SAMTOR: variants seen among roughly 807,000 people sequenced by gnomAD.
SAMTOR encodes S-adenosylmethionine sensor upstream of mTORC1, also known as UPF0532 protein C7orf60.
the SAMTOR span, among the ~76,000 whole-genome samples, chr7:112,827,375 T>C: frequency 6.6e-6 from 1 of 152,228 alleles, no homozygotes; most frequent in South Asian, 2.1e-4. Flanking sequence ...TTCCTTCATC[T>C]TTTGAATTAA....
chr7:112,854,938 C>T, the SAMTOR span, among the ~76,000 whole-genome samples: 1 of 152,110 alleles, frequency 6.6e-6, no homozygotes, highest in Non-Finnish European at 1.5e-5. Flanking sequence ...CCGTAGATGT[C>T]CAGATTCCTG....
chr7:112,841,474 G>A, the SAMTOR span, among the ~76,000 whole-genome samples: 1 of 152,088 alleles, frequency 6.6e-6, no homozygotes, highest in Non-Finnish European at 1.5e-5. Flanking sequence ...TGGATAGGAA[G>A]AATCAATTTC....
chr7:112,833,652 C>T, the SAMTOR span, among the ~76,000 whole-genome samples: 14 of 152,184 alleles, frequency 9.2e-5, no homozygotes, highest in South Asian at 4.2e-4. Context: ...AAAAAATATA[C>T]TTCTTATAAA....
At chr7:112,824,061 C>CTTA in the SAMTOR span, among the ~76,000 whole-genome samples, 6 of 151,524 alleles carry the variant, frequency 4.0e-5, no homozygotes, top group Admixed American at 6.6e-5. Flanking sequence ...TTTGAGAGTT[C>CTTA]TTTATTCTTG....
chr7:112,899,049 A>G, the SAMTOR span, among the ~76,000 whole-genome samples: 2 of 152,226 alleles, frequency 1.3e-5, no homozygotes, highest in Non-Finnish European at 2.9e-5. Flanking sequence ...AACATCCACA[A>G]GCATCAAGAA....
At chr7:112,886,605 G>A in the SAMTOR span, among the ~76,000 whole-genome samples, 3 of 152,174 alleles carry the variant, frequency 2.0e-5, no homozygotes, top group African/African-American at 7.2e-5. Flanking sequence ...ATCAGCTTAT[G>A]TTTGAGCCGT....
chr7:112,822,263 A>G, the SAMTOR span: 1 of 1,613,566 alleles, frequency 6.2e-7, no homozygotes, highest in Non-Finnish European at 8.5e-7. Flanking sequence ...GCTCTCCAGG[A>G]AGAGAATCAA....
At chr7:112,860,310 A>G in the SAMTOR span, among the ~76,000 whole-genome samples, 1 of 152,188 alleles carries the variant, frequency 6.6e-6, no homozygotes, top group African/African-American at 2.4e-5. Context: ...TAAGTGACAC[A>G]TGGCTATATA....
chr7:112,922,042 C>T, the SAMTOR span, among the ~76,000 whole-genome samples: 1 of 152,144 alleles, frequency 6.6e-6, no homozygotes, highest in Admixed American at 6.5e-5. Context: ...TCTCGGCTCA[C>T]TGCAACCTCC....
At chr7:112,885,718 G>C in the SAMTOR span, among the ~76,000 whole-genome samples, 1 of 152,126 alleles carries the variant, frequency 6.6e-6, no homozygotes, top group African/African-American at 2.4e-5. Flanking sequence ...AGCCCTTCAA[G>C]TCTCTTGGAA....
At chr7:112,911,193 C>T in the SAMTOR span, among the ~76,000 whole-genome samples, 4 of 152,168 alleles carry the variant, frequency 2.6e-5, no homozygotes, top group African/African-American at 9.7e-5. Flanking sequence ...ATTCCCTCCA[C>T]AGGTCTATTT....
At chr7:112,850,203 AAAC>A in the SAMTOR span, among the ~76,000 whole-genome samples, 26,571 of 150,214 alleles carry the variant, frequency 0.18, 2,455 homozygotes, top group Middle Eastern at 0.38. Flanking sequence ...CTCCGTCTCA[AAAC>A]AACAACAACA....
the SAMTOR span, chr7:112,915,170 G>A: frequency 9.2e-5 from 63 of 685,100 alleles, no homozygotes; most frequent in South Asian, 1.4e-3. Context: ...CCCGGGAGGT[G>A]GAGGTTGCAG....
the SAMTOR span, among the ~76,000 whole-genome samples, chr7:112,838,747 A>C: frequency 6.7e-6 from 1 of 150,300 alleles, no homozygotes; most frequent in Non-Finnish European, 1.5e-5. Context: ...TTCTAAGGAC[A>C]AAAAAAAAGA....
chr7:112,862,731 C>T, the SAMTOR span, among the ~76,000 whole-genome samples: 2 of 152,084 alleles, frequency 1.3e-5, no homozygotes, highest in South Asian at 4.1e-4. Flanking sequence ...GAATTTGAGA[C>T]CAGCCTGGCC....
the SAMTOR span, among the ~76,000 whole-genome samples, chr7:112,875,839 A>G: frequency 5.9e-5 from 9 of 152,178 alleles, no homozygotes; most frequent in African/African-American, 2.2e-4. Flanking sequence ...TGTTATACGT[A>G]AGCCTTCTCT....
the SAMTOR span, among the ~76,000 whole-genome samples, chr7:112,823,993 C>T: frequency 4.6e-5 from 7 of 152,142 alleles, no homozygotes; most frequent in Non-Finnish European, 8.8e-5. Flanking sequence ...AAATATTTTG[C>T]CCATTTAAAA....
At chr7:112,885,912 G>A in the SAMTOR span, among the ~76,000 whole-genome samples, 5 of 152,078 alleles carry the variant, frequency 3.3e-5, no homozygotes, top group South Asian at 2.1e-4. Flanking sequence ...AGACATACCC[G>A]AGACTGGGTA....
the SAMTOR span, among the ~76,000 whole-genome samples, chr7:112,918,072 G>C: frequency 2.8e-4 from 42 of 152,254 alleles, no homozygotes; most frequent in East Asian, 1.9e-3. Flanking sequence ...GCAGGCCAAC[G>C]TTCAGATTCA....
Sources: allele counts gnomAD v4.1 joint callset (sites outside exome capture counted in the v4.1 genomes callset), GRCh38; gene constraint gnomAD v4.1.1; transcripts MANE v1.5; gene names NCBI Gene and HGNC (gene_info 2026-07-23, HGNC 2026-07-21).